Variants in IST1 observed in about 807,000 individuals in gnomAD.
The protein encoded by IST1 is IST1 factor associated with ESCRT-III, also known as IST1 homolog.
A neutral mutation model predicts 37.0 loss-of-function variants in IST1; 23 were observed. That is an observed-to-expected ratio of 0.62 (90% CI 0.45 to 0.88). The LOEUF (loss-of-function observed/expected upper bound fraction) is 0.88, where lower values mean the gene tolerates loss of function less well. Ranked by LOEUF, IST1 falls within the 40% of genes least tolerant of loss-of-function variation. The pLI, the probability that IST1 is intolerant of heterozygous loss-of-function variation, is 0.00. For missense variants in IST1, 488 were observed against 445.4 expected (o/e 1.10, Z -0.86); for synonymous variants, 180 against 161.7 (o/e 1.11, Z -0.86).
At chr16:71,902,500 C>G (rs1022576297) in intron 1 of IST1, among the ~76,000 whole-genome samples, 4 of 152,278 alleles carry the variant, frequency 2.6e-5, no homozygotes, top group South Asian at 2.1e-4. Flanking sequence ...GAACTCTTGA[C>G]CACAAGTAAT....
intron 1 of IST1, among the ~76,000 whole-genome samples, chr16:71,904,672 G>T (rs570198619): frequency 6.6e-6 from 1 of 152,170 alleles, no homozygotes; most frequent in African/African-American, 2.4e-5. Context: ...GCCTCCCAAA[G>T]TGCTGGGCTT....
chr16:71,900,966 AAG>A (rs1461692923), intron 1 of IST1, among the ~76,000 whole-genome samples: 4 of 152,238 alleles, frequency 2.6e-5, no homozygotes, highest in African/African-American at 7.2e-5. Flanking sequence ...GAATCACAAA[AAG>A]AATTTTAGAT....
rs2037619714 is a variant in IST1 at position 71,922,483 on chromosome 16, C to T, written c.562C>T (p.Pro188Ser). The change falls in exon 7 of 10, where the codon CCT becomes TCT. Residue 188 changes from proline to serine, a missense_variant. Pro to Ser is a moderately conservative substitution (Grantham distance 74). Around this residue, in one of 2 missense-constraint regions of IST1, gnomAD observed 455 missense variants for 386.2 expected, o/e 1.18. Transcript: ENST00000378799. ...EPDSVVMAEA[P>S]PGVETDLIDV... is the part of the protein sequence containing the mutation. ...TCTCTTTTTTTCTCAGGCAGAAGCT[C>T]CTCCTGGGGTAGAGACAGATCTTAT... 1.2e-6 allele frequency: 2 copies of T among 1,613,992 alleles called. No homozygotes were observed. The highest frequency in any genetic ancestry group is 2.2e-5 in the East Asian group (1 of 44,876).
Position 71,928,082 on chromosome 16 carries a change from C to T in IST1, c.*269C>T, listed in dbSNP as rs939000460. ...CTGTCAGAGTGATCCCAGGTTTCCTCCTGGCCCGTCCCATGGTCCCTCCAC... is the reference window on the plus strand; with the variant it reads ...CTGTCAGAGTGATCCCAGGTTTCCTTCTGGCCCGTCCCATGGTCCCTCCAC... On this transcript the variant is annotated 3_prime_UTR_variant, in exon 10 of 10. Coordinates refer to ENST00000378799, the MANE Select transcript of IST1 (RefSeq NM_001270975.2). The T allele has an allele frequency of 7.0e-6, 3 of 428,352 alleles. No homozygotes were observed. Among genetic ancestry groups the T allele is most frequent in the Admixed American group, 3.6e-5 (1 of 28,090 alleles). 26.5% of individuals were successfully genotyped at this position (428,352 alleles called of 1,614,324 possible).
chr16:71,924,601 T>A, intron 8 of IST1, 168 bp from the exon 9 acceptor site: 2 of 625,172 alleles, frequency 3.2e-6, no homozygotes. Context: ...ATCAAAGGAG[T>A]TCAACATAGT....
In IST1 at chr16:71,911,839, C is replaced by G. The variant is rs144544312; in HGVS notation, c.-15-3787C>G. 2.3e-3 allele frequency among the ~76,000 whole-genome samples: 352 copies of G among 151,776 alleles called. 1 individual carries two copies. Among genetic ancestry groups the G allele is most frequent in the African/African-American group, 8.1e-3 (336 of 41,400 alleles). On this transcript the variant is annotated intron_variant, in intron 1 of 9. Coordinates refer to ENST00000378799, the MANE Select transcript of IST1 (RefSeq NM_001270975.2). ...TCCAGTGATCCTCCCACTCCTGCCT[C>G]CGGAGTAGCTGGAACTACAGGCTCG...
At chr16:71,924,199 TGA>T in intron 8 of IST1, 1 of 455,914 alleles carries the variant, frequency 2.2e-6, no homozygotes, top group South Asian at 1.5e-5. Context: ...CATCAGTATT[TGA>T]GGACTTGGTT....
intron 1 of IST1, among the ~76,000 whole-genome samples, chr16:71,909,095 C>CTTTTTTTTTTTTT (rs34086105): frequency 9.7e-6 from 1 of 102,944 alleles, no homozygotes. Context: ...TTTTGTTTGT[C>CTTTTTTTTTTTTT]TTTTTTTTTT....
chr16:71,908,296 CTTTTTTTTT>C (rs59849119), intron 1 of IST1, among the ~76,000 whole-genome samples: 2 of 76,820 alleles, frequency 2.6e-5, no homozygotes, highest in African/African-American at 1.0e-4. Flanking sequence ...CTCGTTGTAG[CTTTTTTTTT>C]TTTTTTTTTT....
intron 1 of IST1, chr16:71,903,290 C>T (rs907706487): frequency 6.6e-6 from 1 of 152,142 alleles, no homozygotes; most frequent in Admixed American, 6.6e-5. Context: ...CTCTTCTTTT[C>T]TAATTAAAAC....
Position 71,928,758 on chromosome 16 carries a change from C to G in IST1, c.*945C>G, listed in dbSNP as rs1482191813. The stretch of plus-strand genomic sequence containing the variant: ...CTAATCTCAGAAAAATTTTTGGTGC[C>G]CATGCAGCTGTAGTTGTTCACTGCT... On this transcript the variant is annotated 3_prime_UTR_variant, in exon 10 of 10. Transcript: ENST00000378799. The G allele has an allele frequency of 6.6e-6, 1 of 152,146 alleles. No individual in the cohort carries two copies. The highest frequency in any genetic ancestry group is 1.5e-5 in the Non-Finnish European group (1 of 68,016). 9.4% of individuals were successfully genotyped at this position (152,146 alleles called of 1,614,324 possible).
At chr16:71,925,138 G>C (rs1031135572) in intron 9 of IST1, among the ~76,000 whole-genome samples, 2 of 148,836 alleles carry the variant, frequency 1.3e-5, no homozygotes, top group Non-Finnish European at 3.0e-5. Context: ...TCAGCCTCCT[G>C]AGTAGCTGGG....
chr16:71,930,292 A>C lies in IST1; in HGVS notation c.*2479A>C. 1 of 1,176,804 alleles carries C rather than the reference A, an allele frequency of 8.5e-7. No homozygotes were observed. The highest frequency in any genetic ancestry group is 1.1e-6 in the Non-Finnish European group (1 of 883,920). The allele number at this position is 1,176,804 out of a possible 1,614,324, so 72.9% of individuals were successfully genotyped here. The stretch of plus-strand genomic sequence containing the variant: ...TCTTATCAGAAGAAAAGCTTATCCG[A>C]AGGAAACTTAGGGAGAGAGTCAAAA... On this transcript the variant is annotated 3_prime_UTR_variant, in exon 10 of 10. Transcript: ENST00000378799.
upstream of IST1, chr16:71,894,545 CCTTTTT>C (rs943706355): frequency 6.9e-5 from 20 of 289,010 alleles, no homozygotes; most frequent in African/African-American, 4.5e-4. Flanking sequence ...CGCACCCGGC[CCTTTTT>C]CTTTTTTTCT....
At chr16:71,912,183 T>G (rs1476723543) in intron 1 of IST1, among the ~76,000 whole-genome samples, 1 of 152,190 alleles carries the variant, frequency 6.6e-6, no homozygotes, top group Non-Finnish European at 1.5e-5. Flanking sequence ...TTAGGTAATT[T>G]TTCCATACAA....
At chr16:71,915,558 C>T in intron 1 of IST1, 68 bp from the exon 2 acceptor site, 3 of 993,264 alleles carry the variant, frequency 3.0e-6, no homozygotes, top group East Asian at 5.0e-5. Context: ...ATAATTCACC[C>T]CTAAGAGGTG....
chr16:71,927,707 C>T lies in IST1; in HGVS notation c.995C>T (p.Pro332Leu). The stretch of plus-strand genomic sequence containing the variant: ...GTCCTACCAGAGTTGCCATCTGTGC[C>T]AGACACACTACCAACTGCATCTGCT... Reference protein sequence around the residue: ...NFVLPELPSVPDTLPTASAGA... With the variant: ...NFVLPELPSVLDTLPTASAGA... Residue 332 changes from proline to leucine, a missense_variant, in exon 10 of 10, where the codon CCA becomes CTA. By Grantham distance (98) the Pro-to-Leu change is moderately conservative. Around this residue, in one of 2 missense-constraint regions of IST1, gnomAD observed 455 missense variants for 386.2 expected, o/e 1.18. Coordinates refer to ENST00000378799, the MANE Select transcript of IST1 (RefSeq NM_001270975.2). 1.2e-6 allele frequency: 2 copies of T among 1,613,680 alleles called. No individual in the cohort carries two copies. The highest frequency in any genetic ancestry group is 1.7e-6 in the Non-Finnish European group (2 of 1,179,602).
At chr16:71,901,503 G>A (rs2037108261) in intron 1 of IST1, among the ~76,000 whole-genome samples, 2 of 152,236 alleles carry the variant, frequency 1.3e-5, no homozygotes, top group South Asian at 2.1e-4. Flanking sequence ...GTGAGCCACC[G>A]CGCCCTGCGT....
rs535083651 is a variant in IST1, at chr16:71,930,947, A to G, written c.*3134A>G. ...ATGGCAAAATATTTTCAAGCACCAA[A>G]CTGTTTTACCTACTTAAAAATGATT... On this transcript the variant is annotated 3_prime_UTR_variant, in exon 10 of 10. Coordinates refer to ENST00000378799, the MANE Select transcript of IST1 (RefSeq NM_001270975.2). 2.6e-5 allele frequency: 4 copies of G among 152,260 alleles called. No homozygotes were observed. The South Asian group carries it at 8.3e-4, about 32-fold the overall frequency. The allele number at this position is 152,260 out of a possible 1,614,324, so 9.4% of individuals were successfully genotyped here. A position where few individuals can be genotyped will look rare whatever the true frequency, so the allele number is the denominator to read the frequency against.
Sources: allele counts gnomAD v4.1 joint callset (sites outside exome capture counted in the v4.1 genomes callset), GRCh38; gene constraint gnomAD v4.1.1; regional missense constraint gnomAD v4.1.1; transcripts MANE v1.5; gene names NCBI Gene and HGNC (gene_info 2026-07-23, HGNC 2026-07-21).